Variants in RAD51AP2 observed in about 807,000 individuals in gnomAD.
RAD51AP2 encodes RAD51 associated protein 2.
A neutral mutation model predicts 85.5 loss-of-function variants in RAD51AP2; 67 were observed. The ratio of observed to expected loss-of-function variants is 0.78; its 90% CI spans 0.64 to 0.96. The LOEUF is 0.96. RAD51AP2 is among the 40% of genes least tolerant of loss of function. RAD51AP2 has a pLI of 0.00. For synonymous variants in RAD51AP2, 474 were observed against 446.5 expected (o/e 1.06, Z -0.78); for missense variants, 1,307 against 1,332.4 (o/e 0.98, Z 0.30).
the RAD51AP2 span, among the ~76,000 whole-genome samples, chr2:17,525,109 G>T: frequency 2.0e-4 from 30 of 152,016 alleles, no homozygotes; most frequent in Admixed American, 9.8e-4. Flanking sequence ...TTACAAGAAG[G>T]CTTGGCCAAT....
At chr2:17,523,002 T>C (rs1411653203), upstream of RAD51AP2, among the ~76,000 whole-genome samples, 1 of 151,714 alleles carries the variant, frequency 6.6e-6, no homozygotes, top group Non-Finnish European at 1.5e-5. Context: ...GTTGGAGGAG[T>C]AGAGTCGAAT....
At chr2:17,534,636 GCT>G in the RAD51AP2 span, among the ~76,000 whole-genome samples, 2 of 151,890 alleles carry the variant, frequency 1.3e-5, no homozygotes, top group Non-Finnish European at 2.9e-5. Flanking sequence ...TGGGGGTAAT[GCT>G]CTCTGTTTGT....
chr2:17,520,076 A>C (rs1278747864), upstream of RAD51AP2, among the ~76,000 whole-genome samples: 3 of 152,122 alleles, frequency 2.0e-5, no homozygotes, highest in Non-Finnish European at 4.4e-5. Context: ...ACAACTCTAC[A>C]TTGTTTAAGG....
the RAD51AP2 span, among the ~76,000 whole-genome samples, chr2:17,526,887 C>T: frequency 2.8e-4 from 43 of 152,106 alleles, no homozygotes; most frequent in Admixed American, 2.0e-3. Context: ...AATTACAAAA[C>T]TATTTTGCAC....
rs770058295 is a variant in RAD51AP2, at chr2:17,515,568, A to G, written c.2848T>C (p.Tyr950His). The G allele has an allele frequency of 1.2e-6, 2 of 1,608,392 alleles. No individual in the cohort carries two copies. Among genetic ancestry groups the G allele is most frequent in the South Asian group, 2.2e-5 (2 of 89,264 alleles). Reference protein sequence around the residue: ...DECFQDLAAKYLSTEALTIVK... With the variant: ...DECFQDLAAKHLSTEALTIVK... ...ATTGTCAGAGCTTCTGTTGATAAAT[A>G]TTTAGCAGCTAAGTCCTGAAAACAT... Residue 950 changes from tyrosine to histidine, a missense_variant, in exon 1 of 3, where the codon TAT becomes CAT. Physicochemically the swap from Tyr to His is moderately conservative, Grantham distance 83. Coordinates refer to ENST00000399080, the MANE Select transcript of RAD51AP2 (RefSeq NM_001099218.3).
At chr2:17,530,566 T>C in the RAD51AP2 span, among the ~76,000 whole-genome samples, 3 of 103,266 alleles carry the variant, frequency 2.9e-5, no homozygotes, top group African/African-American at 4.2e-5. Flanking sequence ...GCCTGGGAAA[T>C]AGAGTCAGGC....
rs749489706 is a variant in RAD51AP2, at chr2:17,515,796, G to A, written c.2620C>T (p.Gln874Ter). 157 of 1,603,196 alleles carry A rather than the reference G, an allele frequency of 9.8e-5. No homozygotes were observed. The highest frequency in any genetic ancestry group is 1.3e-4 in the Non-Finnish European group (154 of 1,172,754). The change falls in exon 1 of 3, where the codon CAG becomes TAG. Residue 874 changes from glutamine (Q) to a stop codon, truncating the protein, a stop_gained. Transcript: ENST00000399080. LOFTEE classifies it high-confidence loss of function. ...TCCTTACTTATTAATGAAACTGACT[G>A]TACAGAAAACATGTCATCCATTGGA... ...FFPMDDMFSV[Q>*]SVSLISKEVN...
chr2:17,515,285 T>C lies in RAD51AP2; in HGVS notation c.3131A>G (p.His1044Arg). Residue 1044 changes from histidine (H) to arginine (R), a missense_variant, in exon 1 of 3, where the codon CAC becomes CGC. Transcript: ENST00000399080. ...TIAGPNMGKSHQSLFKWKTVP... is the reference protein window; with the variant it reads ...TIAGPNMGKSRQSLFKWKTVP... ...AGTTTTCCATTTAAATAAACTTTGG[T>C]GACTTTTGCCCATATTAGGACCTGC... 1 of 1,613,832 alleles carries C rather than the reference T, an allele frequency of 6.2e-7. No individual in the cohort carries two copies. Among genetic ancestry groups the C allele is most frequent in the Non-Finnish European group, 8.5e-7 (1 of 1,179,866 alleles).
At position 17,512,003 on chromosome 2, in the gene RAD51AP2, A is replaced by G. The variant is rs182091386; in HGVS notation, c.3329-1048T>C. 2.3e-3 allele frequency among the ~76,000 whole-genome samples: 348 copies of G among 152,326 alleles called. 3 individuals are homozygous for G. Among genetic ancestry groups the G allele is most frequent in the Admixed American group, 0.015 (231 of 15,306 alleles). ...TAAGACAACATTGTTGGATCACAAG[A>G]TCCTCCTCCATTGGTCTAAATGATA... On this transcript the variant is annotated intron_variant, in intron 2 of 2. Coordinates refer to ENST00000399080, the MANE Select transcript of RAD51AP2 (RefSeq NM_001099218.3).
the RAD51AP2 span, among the ~76,000 whole-genome samples, chr2:17,532,198 G>C: frequency 6.6e-6 from 1 of 152,156 alleles, no homozygotes; most frequent in African/African-American, 2.4e-5. Flanking sequence ...AAATACCACA[G>C]TCTTGGAAGC....
Position 17,518,216 on chromosome 2 carries a change from G to T in RAD51AP2, c.200C>A (p.Ser67Tyr). 21 of 1,614,144 alleles carry T rather than the reference G, an allele frequency of 1.3e-5. No homozygotes were observed. The highest frequency in any genetic ancestry group is 1.5e-5 in the Non-Finnish European group (18 of 1,180,020). Residue 67 changes from serine (S) to tyrosine (Y), a missense_variant, in exon 1 of 3, where the codon TCC becomes TAC. By Grantham distance (144) the Ser-to-Tyr change is moderately radical. Coordinates refer to ENST00000399080, the MANE Select transcript of RAD51AP2 (RefSeq NM_001099218.3). ...LSEAEKVWEL[S>Y]PRPFKGLLVS... ...AAGGAGTCCCTTGAAGGGTCTAGGGGACAACTCCCAGACTTTTTCCGCCTC... is the reference window on the plus strand; with the variant it reads ...AAGGAGTCCCTTGAAGGGTCTAGGGTACAACTCCCAGACTTTTTCCGCCTC...
Position 17,518,045 on chromosome 2 carries a change from T to C in RAD51AP2, c.371A>G (p.Asp124Gly), listed in dbSNP as rs1341328509. 4 of 1,614,162 alleles carry C rather than the reference T, an allele frequency of 2.5e-6. No homozygotes were observed. Among genetic ancestry groups the C allele is most frequent in the Non-Finnish European group, 2.5e-6 (3 of 1,180,022 alleles). The change falls in exon 1 of 3, where the codon GAT (aspartate) becomes GGT (glycine). Residue 124 changes from aspartate (D) to glycine (G), a missense_variant. Physicochemically the swap from Asp to Gly is moderately conservative, Grantham distance 94. Coordinates refer to ENST00000399080, the MANE Select transcript of RAD51AP2 (RefSeq NM_001099218.3). ...CLQSPPSQSPDSDLRASGRSE... is the reference protein window; with the variant it reads ...CLQSPPSQSPGSDLRASGRSE... The stretch of plus-strand genomic sequence containing the variant: ...CCTTCCTGAAGCCCTCAAATCAGAA[T>C]CAGGACTTTGTGAGGGGGGAGACTG...
rs368676450 is a variant in RAD51AP2, at chr2:17,515,472, T to C, written c.2944A>G (p.Ser982Gly). Residue 982 changes from serine to glycine, a missense_variant, in exon 1 of 3, where the codon AGT (serine) becomes GGT (glycine). By Grantham distance (56) the Ser-to-Gly change is moderately conservative. Coordinates refer to ENST00000399080, the MANE Select transcript of RAD51AP2 (RefSeq NM_001099218.3). ...LEELRMFHEISRENELLSTVE... is the reference protein window; with the variant it reads ...LEELRMFHEIGRENELLSTVE... Reference sequence around the variant, plus strand: ...GTGCTTAGAAGTTCATTTTCCCTACTAATTTCATGAAACATACGAAGTTCT... The same window carrying C: ...GTGCTTAGAAGTTCATTTTCCCTACCAATTTCATGAAACATACGAAGTTCT... The C allele has an allele frequency of 6.2e-7, 1 of 1,613,512 alleles. No individual in the cohort carries two copies. The highest frequency in any genetic ancestry group is 8.5e-7 in the Non-Finnish European group (1 of 1,179,780).
chr2:17,536,046 A>T, the RAD51AP2 span, among the ~76,000 whole-genome samples: 179 of 145,546 alleles, frequency 1.2e-3, 1 homozygote, highest in African/African-American at 4.3e-3. Context: ...GTTTTGTTTT[A>T]GTTGGTTGTC....
Position 17,518,077 on chromosome 2 carries a change from G to A in RAD51AP2, c.339C>T (p.Ser113=), listed in dbSNP as rs778139831. The change falls in exon 1 of 3, where the codon AGC becomes AGT. Residue 113 remains serine, a synonymous_variant. Transcript: ENST00000399080. The part of the protein sequence containing the change: ...KCSNLKFQMS[S]CLQSPPSQSP... Reference sequence around the variant, plus strand: ...TTTGTGAGGGGGGAGACTGCAAACAGCTACTCATTTGGAATTTGAGATTTG... The same window carrying A: ...TTTGTGAGGGGGGAGACTGCAAACAACTACTCATTTGGAATTTGAGATTTG... The A allele has an allele frequency of 1.9e-6, 3 of 1,614,184 alleles. No homozygotes were observed. Among genetic ancestry groups the A allele is most frequent in the East Asian group, 2.2e-5 (1 of 44,872 alleles).
At chr2:17,527,344 T>G in the RAD51AP2 span, among the ~76,000 whole-genome samples, 5 of 151,204 alleles carry the variant, frequency 3.3e-5, no homozygotes, top group East Asian at 9.7e-4. Flanking sequence ...GCCAGGGTGT[T>G]CAGAACCTTG....
At chr2:17,512,602 T>G (rs1662523319) in intron 2 of RAD51AP2, among the ~76,000 whole-genome samples, 1 of 152,240 alleles carries the variant, frequency 6.6e-6, no homozygotes, top group Admixed American at 6.5e-5. Context: ...TATATCCATT[T>G]TATTATCACA....
chr2:17,537,011 A>T, the RAD51AP2 span, among the ~76,000 whole-genome samples: 4,467 of 152,268 alleles, frequency 0.029, 65 homozygotes, highest in Middle Eastern at 0.054. Flanking sequence ...TGCATCTTTT[A>T]AAAAAAGATT....
intron 2 of RAD51AP2, among the ~76,000 whole-genome samples, chr2:17,511,816 A>G (rs912571701): frequency 2.0e-5 from 3 of 152,234 alleles, no homozygotes; most frequent in Non-Finnish European, 4.4e-5. Context: ...GAATTAAGCT[A>G]CATGTATAAT....
Sources: allele counts gnomAD v4.1 joint callset (sites outside exome capture counted in the v4.1 genomes callset), GRCh38; gene constraint gnomAD v4.1.1; transcripts MANE v1.5; gene names NCBI Gene and HGNC (gene_info 2026-07-23, HGNC 2026-07-21).